The following ASAP1 variants were observed in gnomAD, a reference collection of about 807,000 sequenced individuals.
The protein encoded by ASAP1 is ArfGAP with SH3 domain, ankyrin repeat and PH domain 1.
In ASAP1, 43 loss-of-function variants were observed where a neutral mutation model predicts 145.2. The ratio of observed to expected loss-of-function variants is 0.30; its 90% CI spans 0.23 to 0.38. ASAP1 has a LOEUF of 0.38. Ranked by LOEUF, ASAP1 falls within the 10% of genes least tolerant of loss-of-function variation. The probability of loss-of-function intolerance (pLI) is 1.00; values close to 1 mark genes in which losing one functional copy is unlikely to be tolerated. For synonymous variants in ASAP1, 546 were observed against 515.5 expected (o/e 1.06, Z -0.80); for missense variants, 1,018 against 1,355.3 (o/e 0.75, Z 3.91).
At chr8:130,422,163 G>C (rs1227860160) in intron 1 of ASAP1, among the ~76,000 whole-genome samples, 1 of 152,134 alleles carries the variant, frequency 6.6e-6, no homozygotes, top group African/African-American at 2.4e-5. Context: ...CAGGCCTTCA[G>C]AGACCAACCT....
chr8:130,096,528 G>A (rs1225290870), intron 24 of ASAP1, among the ~76,000 whole-genome samples: 1 of 152,222 alleles, frequency 6.6e-6, no homozygotes, highest in Non-Finnish European at 1.5e-5. Context: ...TGGCTACCAT[G>A]TGAAATAATG....
rs11995309 is a variant in ASAP1 at position 130,295,515 on chromosome 8, T to C, written c.187-58521A>G. 5.4e-3 allele frequency among the ~76,000 whole-genome samples: 822 copies of C among 152,314 alleles called. 7 individuals are homozygous for C. Among genetic ancestry groups the C allele is most frequent in the African/African-American group, 0.019 (770 of 41,564 alleles). On this transcript the variant is annotated intron_variant, in intron 3 of 29. Coordinates refer to ENST00000518721, the MANE Select transcript of ASAP1 (RefSeq NM_018482.4). ...ACAGCTGTAAAACAGGGATACGGGA[T>C]AATAATACCTAGTTATTGTGAGGTT...
intron 6 of ASAP1, among the ~76,000 whole-genome samples, chr8:130,187,674 G>C (rs1005472724): frequency 4.6e-5 from 7 of 152,094 alleles, no homozygotes; most frequent in Non-Finnish European, 1.0e-4. Context: ...CCGCCGCCAT[G>C]GTCTCCCAAA....
intron 1 of ASAP1, among the ~76,000 whole-genome samples, chr8:130,408,858 C>T (rs1055608605): frequency 3.3e-5 from 5 of 152,124 alleles, no homozygotes; most frequent in Admixed American, 2.0e-4. Flanking sequence ...TGAAAGAGCT[C>T]GATTTCAAAG....
intron 3 of ASAP1, among the ~76,000 whole-genome samples, chr8:130,276,728 A>ACT (rs10678909): frequency 0.02 from 1,744 of 87,230 alleles, 23 homozygotes; most frequent in Middle Eastern, 0.034. Flanking sequence ...ACACACACAC[A>ACT]CTCTCTCTCT....
intron 24 of ASAP1, among the ~76,000 whole-genome samples, chr8:130,111,707 T>C (rs17196525): frequency 0.23 from 34,326 of 152,132 alleles, 4,193 homozygotes; most frequent in South Asian, 0.34. Flanking sequence ...CTCCACATTA[T>C]AAAAAGTACA....
chr8:130,279,758 A>G (rs1314710589), intron 3 of ASAP1, among the ~76,000 whole-genome samples: 1 of 152,226 alleles, frequency 6.6e-6, no homozygotes, highest in African/African-American at 2.4e-5. Flanking sequence ...AAGGAGAAAA[A>G]AGAGAAGTGA....
chr8:130,118,632 T>C lies in ASAP1; in HGVS notation c.1651A>G (p.Arg551Gly). The stretch of plus-strand genomic sequence containing the variant: ...GTTGAACAGGTCTTCCTTGAAAACC[T>C]ATGATCTACATACTTTGCAGTGATA... The part of the protein sequence containing the change: ...EYITAKYVDH[R>G]FSRKTCSTSS... The change falls in exon 19 of 30, where the codon AGG (arginine) becomes GGG (glycine). Residue 551 changes from arginine to glycine, a missense_variant. Around this residue, in one of 9 missense-constraint regions of ASAP1, gnomAD observed 153 missense variants for 221.6 expected, o/e 0.69. Transcript: ENST00000518721. 1 of 1,613,916 alleles carries C rather than the reference T, an allele frequency of 6.2e-7. No homozygotes were observed. The highest frequency in any genetic ancestry group is 8.5e-7 in the Non-Finnish European group (1 of 1,179,868).
At chr8:130,084,276 G>C (rs1243894568) in intron 25 of ASAP1, 1 of 152,168 alleles carries the variant, frequency 6.6e-6, no homozygotes, top group African/African-American at 2.4e-5. Flanking sequence ...GCTATGCAAA[G>C]GCTACCTGCT....
Position 130,252,545 on chromosome 8 carries a change from T to G in ASAP1, c.187-15551A>C, listed in dbSNP as rs146262244. On this transcript the variant is annotated intron_variant, in intron 3 of 29. Transcript: ENST00000518721. ...AGGCAGAAATGGTACATACTCTCAG[T>G]AATCTCCATGTTGCCTTGTGAACTG... is the stretch of plus-strand genomic sequence containing the variant. Among the ~76,000 whole-genome samples, 445 of 152,268 alleles carry G rather than the reference T, an allele frequency of 2.9e-3. 3 individuals carry two copies. Among genetic ancestry groups the G allele is most frequent in the African/African-American group, 9.7e-3 (405 of 41,568 alleles).
chr8:130,367,388 C>T (rs1453861706), intron 2 of ASAP1, among the ~76,000 whole-genome samples: 1 of 152,164 alleles, frequency 6.6e-6, no homozygotes, highest in African/African-American at 2.4e-5. Context: ...TGATGTAACG[C>T]TCTCTCTCTG....
rs201436100 is a variant in ASAP1, at chr8:130,126,102, T to C, written c.1382-13A>G. 3.8e-6 allele frequency: 6 copies of C among 1,595,436 alleles called. No homozygotes were observed. The African/African-American group carries it at 5.4e-5, about 14-fold the overall frequency. On this transcript the variant is annotated splice_polypyrimidine_tract_variant and intron_variant, in intron 16 of 29. Transcript: ENST00000518721. The stretch of plus-strand genomic sequence containing the variant: ...AGCCAGGTGGGTTCTGTGGAAAGAA[T>C]GTTGAAGACAATGAAACAAAAAAGA...
chr8:130,069,353 G>C (rs1028404406), intron 27 of ASAP1, among the ~76,000 whole-genome samples: 1 of 151,926 alleles, frequency 6.6e-6, no homozygotes, highest in Admixed American at 6.6e-5. Context: ...CTCCCACTTC[G>C]GCCTCCTGAG....
intron 5 of ASAP1, among the ~76,000 whole-genome samples, chr8:130,206,397 G>C (rs927203259): frequency 6.6e-6 from 1 of 151,352 alleles, no homozygotes; most frequent in Admixed American, 6.6e-5. Flanking sequence ...TACAAATCTA[G>C]ATCCAACCTG....
In ASAP1 at chr8:130,166,565, T is replaced by G. The variant is rs188354361; in HGVS notation, c.909+971A>C. Among the ~76,000 whole-genome samples the G allele has an allele frequency of 7.2e-5, 11 of 152,260 alleles. No individual in the cohort carries two copies. The East Asian group carries it at 1.7e-3, about 24-fold the overall frequency. On this transcript the variant is annotated intron_variant, in intron 11 of 29. Transcript: ENST00000518721. Reference sequence around the variant, plus strand: ...TCTCTGGGTCTTGTAGGTTTCTGTCTGGCTGCAGTCATCTTCCAATGTATC... The same window carrying G: ...TCTCTGGGTCTTGTAGGTTTCTGTCGGGCTGCAGTCATCTTCCAATGTATC...
intron 25 of ASAP1, chr8:130,083,404 G>GAC (rs1446024230): frequency 6.6e-6 from 1 of 152,200 alleles, no homozygotes; most frequent in African/African-American, 2.4e-5. Flanking sequence ...TTCCATAGCT[G>GAC]ACTTGACCAG....
chr8:130,437,581 T>C (rs559174638), intron 1 of ASAP1, among the ~76,000 whole-genome samples: 1 of 152,286 alleles, frequency 6.6e-6, no homozygotes, highest in East Asian at 1.9e-4. Flanking sequence ...GGCACCCTTT[T>C]TACATTTCTA....
At chr8:130,402,658 T>C (rs1309054920) in intron 1 of ASAP1, among the ~76,000 whole-genome samples, 4 of 152,132 alleles carry the variant, frequency 2.6e-5, no homozygotes, top group Non-Finnish European at 4.4e-5. Flanking sequence ...GGCATCTCCA[T>C]CCAGGGCGAA....
intron 2 of ASAP1, among the ~76,000 whole-genome samples, chr8:130,389,869 T>A (rs1828193827): frequency 6.6e-6 from 1 of 151,772 alleles, no homozygotes; most frequent in Non-Finnish European, 1.5e-5. Flanking sequence ...CCCAGCTAAA[T>A]TTTTTTTTCG....
Sources: gnomAD v4.1 joint callset for allele counts (sites outside exome capture counted in the v4.1 genomes callset) on GRCh38, gnomAD v4.1.1 for gene constraint, gnomAD v4.1.1 regional missense constraint, MANE v1.5 for transcripts, NCBI Gene and HGNC (gene_info 2026-07-23, HGNC 2026-07-21) for gene names.